RNF180: variants seen among roughly 807,000 people sequenced by gnomAD.
RNF180 encodes the protein ring finger protein 180.
In RNF180, 38 loss-of-function variants were observed where a neutral mutation model predicts 59.2. The observed-to-expected ratio is 0.64, with a 90% CI of 0.50 to 0.84. The LOEUF (loss-of-function observed/expected upper bound fraction) is 0.84. RNF180 is among the 40% of genes least tolerant of loss of function. The probability of loss-of-function intolerance (pLI) is 0.00; values close to 1 mark genes in which losing one functional copy is unlikely to be tolerated. For synonymous variants in RNF180, 262 were observed against 240.3 expected, an observed-to-expected ratio of 1.09 and a Z score of -0.84; for missense variants, 705 against 700.9, an observed-to-expected ratio of 1.01 and a Z score of -0.07.
chr5:64,177,660 T>A (rs1038028037), intron 1 of RNF180, among the ~76,000 whole-genome samples: 4 of 150,954 alleles, frequency 2.6e-5, no homozygotes, highest in African/African-American at 9.7e-5. Flanking sequence ...CAGAAGAAAT[T>A]TATTACTCTG....
chr5:64,196,252 G>A (rs1050642038), intron 1 of RNF180, among the ~76,000 whole-genome samples: 2 of 151,474 alleles, frequency 1.3e-5, no homozygotes, highest in Non-Finnish European at 2.9e-5. Context: ...ACTAGCATTA[G>A]CTAGGAGTCC....
chr5:64,369,588 G>A, intron 7 of RNF180, 27 bp from the exon 8 acceptor site: 3 of 1,408,766 alleles, frequency 2.1e-6, no homozygotes, highest in Non-Finnish European at 2.8e-6. Context: ...AATTTAATGG[G>A]CTTTAATATG....
intron 1 of RNF180, among the ~76,000 whole-genome samples, chr5:64,188,791 T>C (rs1278025671): frequency 6.6e-6 from 1 of 152,138 alleles, no homozygotes; most frequent in Non-Finnish European, 1.5e-5. Flanking sequence ...AGCATTCTAA[T>C]AATGGCAAAA....
At chr5:64,344,410 T>G (rs1745474141) in intron 7 of RNF180, among the ~76,000 whole-genome samples, 1 of 152,156 alleles carries the variant, frequency 6.6e-6, no homozygotes, top group South Asian at 2.1e-4. Context: ...TAAATTTGTA[T>G]GCAACTTAAA....
At position 64,200,786 on chromosome 5, in the gene RNF180, AAATGCACT is replaced by A; in HGVS notation, c.1-17_1-10del. 6.2e-7 allele frequency: 1 copy of A among 1,603,220 alleles called. No homozygotes were observed. Among genetic ancestry groups the A allele is most frequent in the South Asian group, 1.1e-5 (1 of 90,164 alleles). ...TTTATCTGACAGTTTAACATTCTAAAAATGCACTAATGTTTCCGCAGATGAAAAGAAGC... is the reference window on the plus strand; with the variant it reads ...TTTATCTGACAGTTTAACATTCTAAAAATGTTTCCGCAGATGAAAAGAAGC... On this transcript the variant is annotated splice_polypyrimidine_tract_variant and intron_variant, in intron 1 of 7. Coordinates refer to ENST00000389100, the MANE Select transcript of RNF180 (RefSeq NM_001113561.2).
chr5:64,334,327 G>A (rs1419802824), intron 7 of RNF180, among the ~76,000 whole-genome samples: 4 of 152,118 alleles, frequency 2.6e-5, no homozygotes, highest in South Asian at 2.1e-4. Flanking sequence ...ATATAAATAC[G>A]TAAAAGTGTA....
chr5:64,356,865 G>T (rs568764421), intron 7 of RNF180, among the ~76,000 whole-genome samples: 2 of 151,828 alleles, frequency 1.3e-5, no homozygotes, highest in Non-Finnish European at 2.9e-5. Flanking sequence ...TACAGTTTCT[G>T]TTTGGGATAA....
intron 5 of RNF180, among the ~76,000 whole-genome samples, chr5:64,229,854 G>C (rs982070411): frequency 6.6e-6 from 1 of 152,188 alleles, no homozygotes; most frequent in Admixed American, 6.5e-5. Flanking sequence ...GTTACAGTGA[G>C]CCATTCATAT....
intron 5 of RNF180, among the ~76,000 whole-genome samples, chr5:64,279,821 G>C (rs1445947305): frequency 6.6e-6 from 1 of 152,080 alleles, no homozygotes; most frequent in Non-Finnish European, 1.5e-5. Flanking sequence ...GGCCAGACGT[G>C]GTGGCTCACA....
At chr5:64,193,446 G>T (rs2934804) in intron 1 of RNF180, among the ~76,000 whole-genome samples, 1 of 151,742 alleles carries the variant, frequency 6.6e-6, no homozygotes, top group Non-Finnish European at 1.5e-5. Flanking sequence ...TATACCAATT[G>T]TATCTTAATA....
chr5:64,349,281 G>A lies in RNF180; in HGVS notation c.1579+18875G>A, dbSNP rs191639602. Among the ~76,000 whole-genome samples the A allele has an allele frequency of 3.3e-5, 5 of 152,080 alleles. No individual in the cohort carries two copies. In the East Asian group the frequency reaches 5.8e-4, roughly 18 times the overall value. The stretch of plus-strand genomic sequence containing the variant: ...AATGAGGGTTGCTTATTCTTTTAAT[G>A]CCAAAGAAAGGATTTTGTTGTTGTT... On this transcript the variant is annotated intron_variant, in intron 7 of 7. Transcript: ENST00000389100.
chr5:64,338,382 C>G (rs1745219534), intron 7 of RNF180, among the ~76,000 whole-genome samples: 1 of 152,152 alleles, frequency 6.6e-6, no homozygotes, highest in Non-Finnish European at 1.5e-5. Context: ...TGCCTGTAAT[C>G]CCAACACTTT....
chr5:64,229,637 C>G (rs1741992857), intron 5 of RNF180, among the ~76,000 whole-genome samples: 1 of 152,206 alleles, frequency 6.6e-6, no homozygotes, highest in South Asian at 2.1e-4. Flanking sequence ...AATAAAACAG[C>G]TACTCTGGGT....
chr5:64,195,144 A>C (rs1751392604), intron 1 of RNF180, among the ~76,000 whole-genome samples: 3 of 152,166 alleles, frequency 2.0e-5, no homozygotes, highest in African/African-American at 2.4e-5. Context: ...TCCTTCAAAT[A>C]AGGAAAACTG....
chr5:64,366,344 T>C (rs905795849), intron 7 of RNF180, among the ~76,000 whole-genome samples: 1 of 151,694 alleles, frequency 6.6e-6, no homozygotes, highest in African/African-American at 2.4e-5. Flanking sequence ...GTTAGTCTGA[T>C]GGACTACACT....
chr5:64,351,496 A>C (rs1215007276), intron 7 of RNF180, among the ~76,000 whole-genome samples: 1 of 152,090 alleles, frequency 6.6e-6, no homozygotes, highest in Non-Finnish European at 1.5e-5. Context: ...TTCAAAGGGA[A>C]TGCTTCCAGT....
chr5:64,270,005 T>C (rs897695528), intron 5 of RNF180, among the ~76,000 whole-genome samples: 9 of 148,180 alleles, frequency 6.1e-5, no homozygotes, highest in African/African-American at 2.3e-4. Context: ...ATTCTGTCTC[T>C]TCCTCCTTCC....
intron 1 of RNF180, among the ~76,000 whole-genome samples, chr5:64,183,364 T>C (rs1260148890): frequency 2.0e-4 from 30 of 151,864 alleles, no homozygotes; most frequent in Admixed American, 2.0e-3. Flanking sequence ...GTTTTATATA[T>C]GGAAATTTTA....
At chr5:64,197,810 G>C (rs867609396) in intron 1 of RNF180, among the ~76,000 whole-genome samples, 16 of 152,046 alleles carry the variant, frequency 1.1e-4, no homozygotes, top group African/African-American at 3.1e-4. Context: ...ATTCAGACAT[G>C]GATATTTGGC....
Sources: allele counts gnomAD v4.1 joint callset (sites outside exome capture counted in the v4.1 genomes callset), GRCh38; gene constraint gnomAD v4.1.1; transcripts MANE v1.5; gene names NCBI Gene and HGNC (gene_info 2026-07-23, HGNC 2026-07-21).